Variants in ENTR1 observed in about 807,000 individuals in gnomAD.
The protein encoded by ENTR1 is endosome associated trafficking regulator 1.
A neutral mutation model predicts 47.9 loss-of-function variants in ENTR1; 47 were observed. The ratio of observed to expected loss-of-function variants is 0.98; its 90% CI spans 0.78 to 1.25. The LOEUF is 1.25. Ranked by LOEUF, ENTR1 falls within the 50% of genes most tolerant of loss-of-function variation. ENTR1 has a pLI of 0.00. For synonymous variants in ENTR1, 290 were observed against 245.8 expected (o/e 1.18, Z -1.68); for missense variants, 668 against 570.5 (o/e 1.17, Z -1.74).
chr9:136,409,997 A>G (rs1481688326), intron 2 of ENTR1, 93 bp downstream of exon 2: 2 of 1,460,356 alleles, frequency 1.4e-6, no homozygotes, highest in Non-Finnish European at 1.9e-6. Context: ...CTGCACATTG[A>G]TGGGTCAATG....
chr9:136,409,169 C>T (rs1197745952), intron 2 of ENTR1, 102 bp from the exon 3 acceptor site: 4 of 937,154 alleles, frequency 4.3e-6, no homozygotes, highest in African/African-American at 3.3e-5. Flanking sequence ...CAGTGGTTCT[C>T]ACAGTCTAGA....
chr9:136,404,730 C>G (rs1834679237), intron 7 of ENTR1, 37 bp from the exon 8 acceptor site: 1 of 1,607,464 alleles, frequency 6.2e-7, no homozygotes, highest in Admixed American at 1.7e-5. Flanking sequence ...AAAAGCATCA[C>G]TGATGTCCTC....
intron 9 of ENTR1, among the ~76,000 whole-genome samples, chr9:136,403,497 GGGA>G (rs1834612965): frequency 6.6e-6 from 1 of 151,664 alleles, no homozygotes; most frequent in African/African-American, 2.4e-5. Flanking sequence ...CTGGGAGAAA[GGGA>G]GGGGCTGGGG....
At chr9:136,409,098 G>A (rs199717780) in intron 2 of ENTR1, 31 bp from the exon 3 acceptor site, 1 of 1,606,098 alleles carries the variant, frequency 6.2e-7, no homozygotes. Context: ...CCACCATGCT[G>A]GCAGGAAGTC....
At chr9:136,408,168 G>C (rs892395304) in intron 3 of ENTR1, among the ~76,000 whole-genome samples, 3 of 152,128 alleles carry the variant, frequency 2.0e-5, no homozygotes, top group African/African-American at 7.2e-5. Context: ...CTCGGCCCCT[G>C]CTCCCACACT....
intron 5 of ENTR1, 93 bp downstream of exon 5, chr9:136,407,039 TGGAAATCAAACCA>T (rs1381337866): frequency 9.9e-6 from 12 of 1,209,842 alleles, no homozygotes; most frequent in Non-Finnish European, 1.4e-5. Context: ...CGCCTTGTCC[TGGAAATCAAACCA>T]GGCCACCCAA....
chr9:136,409,044 AT>A lies in ENTR1; in HGVS notation c.243del (p.Lys81AsnfsTer35). On this transcript the variant is annotated frameshift_variant, in exon 3 of 10. Coordinates refer to ENST00000357365, the MANE Select transcript of ENTR1 (RefSeq NM_001039707.2). LOFTEE classifies it high-confidence loss of function. ...GCTCCTGACGGGCTCTGCTTAGAAC[AT>A]TTCCCCTTTCCATAGCCAAAATCTG... Reference protein sequence around the residue: ...GDTDFGYGKGKCSKQSPSGAH... With the variant: ...GDTDFGYGKGXCSKQSPSGAH... The A allele has an allele frequency of 1.2e-6, 2 of 1,613,814 alleles. No homozygotes were observed. The highest frequency in any genetic ancestry group is 1.1e-5 in the South Asian group (1 of 91,084).
chr9:136,408,601 T>C (rs1250618958), intron 3 of ENTR1, among the ~76,000 whole-genome samples: 1 of 151,908 alleles, frequency 6.6e-6, no homozygotes, highest in East Asian at 1.9e-4. Context: ...AACAACCAGC[T>C]CCTCAGGTGC....
Position 136,407,488 on chromosome 9 carries a change from T to A in ENTR1, c.476A>T (p.Tyr159Phe). ...CGGATCCTCGAAAAATGGCTGCTGA[T>A]ACTCCAGGCCATACCCGCCGGTTTG... Reference protein sequence around the residue: ...PSQTGGYGLEYQQPFFEDPTG... With the variant: ...PSQTGGYGLEFQQPFFEDPTG... The change falls in exon 5 of 10, where the codon TAT (tyrosine) becomes TTT (phenylalanine). Residue 159 changes from tyrosine to phenylalanine, a missense_variant. Tyr to Phe is a conservative substitution (Grantham distance 22). Coordinates refer to ENST00000357365, the MANE Select transcript of ENTR1 (RefSeq NM_001039707.2). The A allele has an allele frequency of 6.2e-7, 1 of 1,607,884 alleles. No individual in the cohort carries two copies. The highest frequency in any genetic ancestry group is 8.5e-7 in the Non-Finnish European group (1 of 1,179,624).
In ENTR1 at chr9:136,404,126, C is replaced by G. The variant is rs1564405351; in HGVS notation, c.1137G>C (p.Val379=). The G allele has an allele frequency of 1.2e-6, 2 of 1,613,344 alleles. No individual in the cohort carries two copies. Among genetic ancestry groups the G allele is most frequent in the South Asian group, 2.2e-5 (2 of 91,064 alleles). Residue 379 remains valine, a synonymous_variant, in exon 9 of 10, where the codon GTG becomes GTC. Coordinates refer to ENST00000357365, the MANE Select transcript of ENTR1 (RefSeq NM_001039707.2). Reference sequence around the variant, plus strand: ...GGGCCACGTCGGCGTTCTGCTTCACCACGGTCAGGCTGGCACCCTGGCCGC... The same window carrying G: ...GGGCCACGTCGGCGTTCTGCTTCACGACGGTCAGGCTGGCACCCTGGCCGC... The part of the protein sequence containing the change: ...LRCGQGASLT[V]VKQNADVALQ...
rs1300889197 is a variant in ENTR1, at chr9:136,402,542, T to C, written c.*246A>G. 2 of 390,104 alleles carry C rather than the reference T, an allele frequency of 5.1e-6. No homozygotes were observed. The highest frequency in any genetic ancestry group is 4.6e-6 in the Non-Finnish European group (1 of 218,220). The allele number at this position is 390,104 out of a possible 1,614,324, so 24.2% of individuals were successfully genotyped here. A position where few individuals can be genotyped will look rare whatever the true frequency, so the allele number is the denominator to read the frequency against. ...ATGACAATGTCTTCCAAGAGCTCAT[T>C]AGAATCTATAAGATCGCAGGAATTT... is the stretch of plus-strand genomic sequence containing the variant. On this transcript the variant is annotated 3_prime_UTR_variant, in exon 10 of 10. Coordinates refer to ENST00000357365, the MANE Select transcript of ENTR1 (RefSeq NM_001039707.2).
intron 2 of ENTR1, 131 bp from the exon 3 acceptor site, chr9:136,409,198 T>TGA (rs1834944015): frequency 1.6e-6 from 1 of 633,616 alleles, no homozygotes; most frequent in Admixed American, 2.8e-5. Context: ...TTTTTTTTTT[T>TGA]GAGACGGAGT....
chr9:136,405,456 G>C, intron 6 of ENTR1: 1 of 469,132 alleles, frequency 2.1e-6, no homozygotes, highest in South Asian at 2.3e-5. Flanking sequence ...AATAAACCTT[G>C]GCCAGGCGCC....
At position 136,407,396 on chromosome 9, in the gene ENTR1, G is replaced by T; in HGVS notation, c.568C>A (p.Pro190Thr). 6.2e-7 allele frequency: 1 copy of T among 1,607,622 alleles called. No individual in the cohort carries two copies. Among genetic ancestry groups the T allele is most frequent in the Non-Finnish European group, 8.5e-7 (1 of 1,178,486 alleles). ...GGGTGAGTCTGCTCGATGGCGGACG[G>T]CAGGTAGGCCCCACTCCATCCGGTG... ...EDTGWSGAYL[P>T]SAIEQTHPER... Residue 190 changes from proline (P) to threonine (T), a missense_variant, in exon 5 of 10, where the codon CCG (proline) becomes ACG (threonine). Transcript: ENST00000357365.
rs763869888 is a variant in ENTR1, at chr9:136,410,013, G to A, written c.220+77C>T. ...TGCACATTGATGGGTCAATGGACGAGCTCGTGCTGCAGCGGAGGTGCCACA... is the reference window on the plus strand; with the variant it reads ...TGCACATTGATGGGTCAATGGACGAACTCGTGCTGCAGCGGAGGTGCCACA... On this transcript the variant is annotated intron_variant, in intron 2 of 9. Transcript: ENST00000357365. The A allele has an allele frequency of 2.4e-5, 37 of 1,542,936 alleles. 1 individual carries two copies. The South Asian group carries it at 4.0e-4, about 17-fold the overall frequency.
In ENTR1 at chr9:136,404,689, C is replaced by T. The variant is rs777407699; in HGVS notation, c.1010G>A (p.Arg337Gln). ...GACGTGGTTTTCTGCCTTTACAGCCCGTTTCTGTTACCCAAAAAAGAAAAA... is the reference window on the plus strand; with the variant it reads ...GACGTGGTTTTCTGCCTTTACAGCCTGTTTCTGTTACCCAAAAAAGAAAAA... ...VEQNLELMTK[R>Q]AVKAENHVVK... Residue 337 changes from arginine (R) to glutamine (Q), a missense_variant, in exon 8 of 10, where the codon CGG becomes CAG. Coordinates refer to ENST00000357365, the MANE Select transcript of ENTR1 (RefSeq NM_001039707.2). The T allele has an allele frequency of 9.3e-6, 15 of 1,613,944 alleles. No homozygotes were observed. The highest frequency in any genetic ancestry group is 5.3e-5 in the African/African-American group (4 of 74,930).
chr9:136,404,259 T>C (rs1449020405), intron 8 of ENTR1, 65 bp from the exon 9 acceptor site: 4 of 1,542,176 alleles, frequency 2.6e-6, no homozygotes, highest in Non-Finnish European at 3.5e-6. Context: ...AGTCACCACC[T>C]GGCGAGGCGA....
intron 3 of ENTR1, among the ~76,000 whole-genome samples, chr9:136,408,161 G>A (rs960854436): frequency 3.3e-5 from 5 of 152,060 alleles, no homozygotes; most frequent in African/African-American, 4.8e-5. Context: ...TCCACCCCTC[G>A]GCCCCTGCTC....
chr9:136,403,783 A>G (rs1314851925), intron 9 of ENTR1, among the ~76,000 whole-genome samples: 2 of 151,998 alleles, frequency 1.3e-5, no homozygotes, highest in Non-Finnish European at 2.9e-5. Flanking sequence ...CAGCGCCCAC[A>G]TGGGGTGGGG....
Sources: allele counts gnomAD v4.1 joint callset (sites outside exome capture counted in the v4.1 genomes callset), GRCh38; gene constraint gnomAD v4.1.1; transcripts MANE v1.5; gene names NCBI Gene and HGNC (gene_info 2026-07-23, HGNC 2026-07-21).